Variants in CEP128 observed in about 807,000 individuals in gnomAD.
CEP128 encodes centrosomal protein 128kDa.
Under a neutral mutation model 156.7 loss-of-function variants are expected in CEP128, and 132 were observed. The observed-to-expected ratio is 0.84, with a 90% confidence interval of 0.73 to 0.97. The LOEUF (loss-of-function observed/expected upper bound fraction) is 0.97, where lower values mean the gene tolerates loss of function less well. Ranked by LOEUF, CEP128 falls within the 50% of genes least tolerant of loss-of-function variation. The pLI, the probability that CEP128 is intolerant of heterozygous loss-of-function variation, is 0.00. For synonymous variants in CEP128, 469 were observed against 448.9 expected (o/e 1.04, Z -0.57); for missense variants, 1,252 against 1,281.9 (o/e 0.98, Z 0.36).
At chr14:80,481,836 C>A (rs1034636050) in intron 14 of CEP128, among the ~76,000 whole-genome samples, 1 of 152,160 alleles carries the variant, frequency 6.6e-6, no homozygotes, top group African/African-American at 2.4e-5. Flanking sequence ...CTTAAATAGC[C>A]CAATTCCTAC....
At chr14:80,577,713 C>A (rs1891417219) in intron 20 of CEP128, among the ~76,000 whole-genome samples, 1 of 152,144 alleles carries the variant, frequency 6.6e-6, no homozygotes, top group Non-Finnish European at 1.5e-5. Flanking sequence ...ATTTAAAATG[C>A]AGATTTACCA....
intron 22 of CEP128, among the ~76,000 whole-genome samples, chr14:80,528,368 A>G (rs2140269650): frequency 6.6e-6 from 1 of 152,386 alleles, no homozygotes; most frequent in African/African-American, 2.4e-5. Context: ...AGTGCACTGC[A>G]ACCTCCGCCG....
chr14:80,795,121 G>C (rs1883388145), intron 13 of CEP128, among the ~76,000 whole-genome samples: 1 of 151,998 alleles, frequency 6.6e-6, no homozygotes, highest in South Asian at 2.1e-4. Flanking sequence ...TGGATAGTCT[G>C]CTTCTAGAGC....
chr14:80,901,020 C>A, intron 6 of CEP128, among the ~76,000 whole-genome samples: 1 of 151,782 alleles, frequency 6.6e-6, no homozygotes. Flanking sequence ...TCCTGGCTAA[C>A]ACGGTGAAAC....
In CEP128 at chr14:80,821,535, TAA is replaced by T. The variant is rs532554744; in HGVS notation, c.1209+9606_1209+9607del. The stretch of plus-strand genomic sequence containing the variant: ...AAATTTTCAATAGATCCATAGATAA[TAA>T]AAAGTTATCAATACTTCATATTTTC... On this transcript the variant is annotated intron_variant, in intron 13 of 24. Transcript: ENST00000555265. 2.4e-3 allele frequency among the ~76,000 whole-genome samples: 366 copies of T among 151,276 alleles called. 1 individual carries two copies. Among genetic ancestry groups the T allele is most frequent in the African/African-American group, 8.3e-3 (340 of 41,118 alleles).
chr14:80,660,519 A>G (rs1007698772), intron 19 of CEP128, among the ~76,000 whole-genome samples: 4 of 152,148 alleles, frequency 2.6e-5, no homozygotes, highest in Admixed American at 6.6e-5. Context: ...AACTAATATA[A>G]ATACAGCCTA....
intron 4 of CEP128, 139 bp downstream of exon 4, chr14:80,914,183 A>G (rs1436160271): frequency 3.4e-6 from 2 of 583,238 alleles, no homozygotes; most frequent in Non-Finnish European, 6.1e-6. Flanking sequence ...CCTAAACTTA[A>G]ACTATAAAAT....
intron 9 of CEP128, among the ~76,000 whole-genome samples, chr14:80,859,639 G>C (rs935877604): frequency 5.3e-5 from 8 of 152,116 alleles, no homozygotes; most frequent in Admixed American, 5.2e-4. Context: ...CTCAAAAAAG[G>C]AAGTGGATTC....
intron 6 of CEP128, among the ~76,000 whole-genome samples, chr14:80,901,050 C>CA (rs1445523413): frequency 6.6e-6 from 1 of 151,656 alleles, no homozygotes; most frequent in African/African-American, 2.4e-5. Flanking sequence ...ACTAAAAATA[C>CA]AAAAAATTAG....
intron 19 of CEP128, among the ~76,000 whole-genome samples, chr14:80,687,050 G>C (rs918617173): frequency 5.9e-5 from 9 of 152,006 alleles, no homozygotes; most frequent in African/African-American, 1.9e-4. Flanking sequence ...AATTAACAAA[G>C]ATATTCAGGA....
intron 19 of CEP128, among the ~76,000 whole-genome samples, chr14:80,610,783 A>C (rs930656793): frequency 2.0e-5 from 3 of 152,160 alleles, no homozygotes; most frequent in Non-Finnish European, 4.4e-5. Flanking sequence ...GGCATCTTAA[A>C]TTTAAATCAG....
chr14:80,718,822 G>A (rs986641062), intron 19 of CEP128, among the ~76,000 whole-genome samples: 1 of 152,148 alleles, frequency 6.6e-6, no homozygotes, highest in African/African-American at 2.4e-5. Context: ...GGCTAAATAG[G>A]TACATGGGCT....
At position 80,505,027 on chromosome 14, in the gene CEP128, A is replaced by T. The variant is rs1469082263; in HGVS notation, c.3073-7T>A. The T allele has an allele frequency of 7.0e-7, 1 of 1,436,352 alleles. No homozygotes were observed. Among genetic ancestry groups the T allele is most frequent in the South Asian group, 1.3e-5 (1 of 79,502 alleles). 89.0% of individuals were successfully genotyped at this position (1,436,352 alleles called of 1,614,324 possible). A position where few individuals can be genotyped will look rare whatever the true frequency, so the allele number is the denominator to read the frequency against. ...CCAGAAAGGTTCTGTCACCCTAAGGAAAAAAAGGCACAGCATTTCAATGAT... is the reference window on the plus strand; with the variant it reads ...CCAGAAAGGTTCTGTCACCCTAAGGTAAAAAAGGCACAGCATTTCAATGAT... On this transcript the variant is annotated splice_polypyrimidine_tract_variant and splice_region_variant and intron_variant, in intron 23 of 24. Coordinates refer to ENST00000555265, the MANE Select transcript of CEP128 (RefSeq NM_152446.5).
chr14:80,855,314 G>T (rs922739801), intron 9 of CEP128, among the ~76,000 whole-genome samples: 2 of 152,096 alleles, frequency 1.3e-5, no homozygotes, highest in Non-Finnish European at 2.9e-5. Context: ...CTAAGAATAA[G>T]AAAAATAAAG....
At chr14:80,648,793 A>G (rs1214283989) in intron 19 of CEP128, among the ~76,000 whole-genome samples, 1 of 152,120 alleles carries the variant, frequency 6.6e-6, no homozygotes, top group East Asian at 1.9e-4. Flanking sequence ...CTAATAAATC[A>G]GCATAAAATG....
intron 19 of CEP128, among the ~76,000 whole-genome samples, chr14:80,730,684 C>CT (rs1254300824): frequency 6.6e-6 from 1 of 152,138 alleles, no homozygotes; most frequent in African/African-American, 2.4e-5. Flanking sequence ...ACTACAAAGA[C>CT]TAATTTGTGC....
chr14:80,740,449 T>TACACACACACACACAC (rs58752743), intron 19 of CEP128, among the ~76,000 whole-genome samples: 24 of 146,186 alleles, frequency 1.6e-4, no homozygotes, highest in East Asian at 1.0e-3. Flanking sequence ...TATATACACA[T>TACACACACACACACAC]ACACACACAC....
chr14:80,616,012 C>T (rs1893196780), intron 19 of CEP128, among the ~76,000 whole-genome samples: 1 of 152,216 alleles, frequency 6.6e-6, no homozygotes, highest in Admixed American at 6.5e-5. Flanking sequence ...TACAGAAAGA[C>T]TATCTAAGCA....
chr14:80,634,953 C>T (rs920926901), intron 19 of CEP128, among the ~76,000 whole-genome samples: 3 of 152,126 alleles, frequency 2.0e-5, no homozygotes, highest in Non-Finnish European at 4.4e-5. Flanking sequence ...TATCAGTGTG[C>T]GTTCACCATA....
Sources: gnomAD v4.1 joint callset for allele counts (sites outside exome capture counted in the v4.1 genomes callset) on GRCh38, gnomAD v4.1.1 for gene constraint, MANE v1.5 for transcripts, NCBI Gene and HGNC (gene_info 2026-07-23, HGNC 2026-07-21) for gene names.